Variants in PGM3 observed in about 807,000 individuals in gnomAD.
The protein encoded by PGM3 is phosphoglucomutase 3, also known as phosphoacetylglucosamine mutase.
A neutral mutation model predicts 66.2 loss-of-function variants in PGM3; 40 were observed. The ratio of observed to expected loss-of-function variants is 0.60; its 90% confidence interval spans 0.47 to 0.79. The LOEUF is 0.79. Ranked by LOEUF, PGM3 falls within the 30% of genes least tolerant of loss-of-function variation. The probability of loss-of-function intolerance (pLI) is 0.00; values close to 1 mark genes in which losing one functional copy is unlikely to be tolerated. For synonymous variants in PGM3, 191 were observed against 224.2 expected (o/e 0.85, Z 1.32); for missense variants, 537 against 643.4 (o/e 0.83, Z 1.79).
Position 83,169,126 on chromosome 6 carries a change from C to T in PGM3, c.*108G>A. 6.6e-7 allele frequency: 1 copy of T among 1,521,430 alleles called. No individual in the cohort carries two copies. Among genetic ancestry groups the T allele is most frequent in the Non-Finnish European group, 8.8e-7 (1 of 1,134,802 alleles). 94.2% of individuals were successfully genotyped at this position (1,521,430 alleles called of 1,614,324 possible). A position where few individuals can be genotyped will look rare whatever the true frequency, so the allele number is the denominator to read the frequency against. ...ACAGATCTAGAGACAATCCAGTAGGCTGCATTGTAAACATTATGATTATAA... is the reference window on the plus strand; with the variant it reads ...ACAGATCTAGAGACAATCCAGTAGGTTGCATTGTAAACATTATGATTATAA... On this transcript the variant is annotated 3_prime_UTR_variant, in exon 13 of 13. Transcript: ENST00000513973.
chr6:83,184,631 G>C lies in PGM3; in HGVS notation c.458-1653C>G, dbSNP rs557898458. 2.0e-5 allele frequency among the ~76,000 whole-genome samples: 3 copies of C among 152,262 alleles called. No individual in the cohort carries two copies. In the South Asian group the frequency reaches 6.2e-4, roughly 32 times the overall value. ...ATCCAACTCATCAACTCAGAAACCT[G>C]GAATGTGTTCTTCACAGTTCTGTTC... On this transcript the variant is annotated intron_variant, in intron 4 of 12. Transcript: ENST00000513973.
At chr6:83,161,320 TAAAGTAG>T (rs1478366519), downstream of PGM3, 1 of 152,138 alleles carries the variant, frequency 6.6e-6, no homozygotes, top group Admixed American at 6.5e-5. Flanking sequence ...TAAAAATCTA[TAAAGTAG>T]AAAGTGTAAA....
At chr6:83,176,933 C>A (rs1787815646) in intron 8 of PGM3, among the ~76,000 whole-genome samples, 1 of 152,120 alleles carries the variant, frequency 6.6e-6, no homozygotes. Context: ...CAAATGGGCC[C>A]CAGATGGAAT....
chr6:83,177,776 T>C (rs623879), intron 8 of PGM3, among the ~76,000 whole-genome samples: 33,690 of 152,046 alleles, frequency 0.22, 3,795 homozygotes, highest in Non-Finnish European at 0.25. Context: ...TCTTGACATC[T>C]GATCTGAGTT....
intron 3 of PGM3, chr6:83,188,400 T>C: frequency 2.2e-6 from 1 of 452,360 alleles, no homozygotes; most frequent in Non-Finnish European, 3.9e-6. Flanking sequence ...AGCTTGGGTT[T>C]TGGAGTAGGG....
chr6:83,150,116 T>C, the PGM3 span, among the ~76,000 whole-genome samples: 1 of 152,192 alleles, frequency 6.6e-6, no homozygotes, highest in Non-Finnish European at 1.5e-5. Context: ...GGCTCATGCC[T>C]GCAATCCCAG....
At chr6:83,151,365 C>T in the PGM3 span, among the ~76,000 whole-genome samples, 2 of 152,100 alleles carry the variant, frequency 1.3e-5, no homozygotes, top group Admixed American at 1.3e-4. Flanking sequence ...CATCTGGGTT[C>T]CTTCCACTTT....
Position 83,170,301 on chromosome 6 carries a change from T to C in PGM3, c.1539+4A>G, listed in dbSNP as rs1407162971. On this transcript the variant is annotated splice_donor_region_variant and intron_variant, in intron 12 of 12. Transcript: ENST00000513973. ...TCTTTTTCAATAGAACTATCCCAGCTTACTTGTGAGTCTGCTTCTGCATAT... is the reference window on the plus strand; with the variant it reads ...TCTTTTTCAATAGAACTATCCCAGCCTACTTGTGAGTCTGCTTCTGCATAT... 1 of 1,613,916 alleles carries C rather than the reference T, an allele frequency of 6.2e-7. No homozygotes were observed. Among genetic ancestry groups the C allele is most frequent in the South Asian group, 1.1e-5 (1 of 91,060 alleles).
In PGM3 at chr6:83,170,332, G is replaced by A. The variant is rs775873799; in HGVS notation, c.1512C>T (p.Val504=). 5.6e-6 allele frequency: 9 copies of A among 1,614,004 alleles called. No individual in the cohort carries two copies. Among genetic ancestry groups the A allele is most frequent in the African/African-American group, 1.3e-5 (1 of 74,914 alleles). The change falls in exon 12 of 13, where the codon GTC becomes GTT. Residue 504 remains valine, a synonymous_variant. Transcript: ENST00000513973. ...GTGAGTCTGCTTCTGCATATACTCG[G>A]ACGACATCTTCTGTACCAGAGGGCC... The part of the protein sequence containing the change: ...FVRPSGTEDV[V]RVYAEADSQE...
chr6:83,152,297 C>G, the PGM3 span: 1 of 1,561,368 alleles, frequency 6.4e-7, no homozygotes, highest in Non-Finnish European at 8.7e-7. Flanking sequence ...GATATGTTAT[C>G]ACCTGCAATG....
upstream of PGM3, chr6:83,193,330 A>C (rs1344819259): frequency 7.8e-6 from 1 of 128,630 alleles, no homozygotes; most frequent in Non-Finnish European, 1.8e-5. Context: ...GCAGAGGACT[A>C]TCCGCCAGCC....
rs1055671089 is a variant in PGM3 at position 83,166,361 on chromosome 6, T to G, written c.*2873A>C. 5.7e-6 allele frequency: 4 copies of G among 698,238 alleles called. No individual in the cohort carries two copies. In the African/African-American group the frequency reaches 7.0e-5, roughly 12 times the overall value. 43.3% of individuals were successfully genotyped at this position (698,238 alleles called of 1,614,324 possible). On this transcript the variant is annotated 3_prime_UTR_variant, in exon 13 of 13. Transcript: ENST00000513973. The stretch of plus-strand genomic sequence containing the variant: ...GCACTCCTCATCTTCAAGGCTCTAG[T>G]CTCCTTTGCAAAACTTCTTGAGCCA...
chr6:83,154,235 T>C, the PGM3 span: 3 of 1,613,438 alleles, frequency 1.9e-6, no homozygotes, highest in Non-Finnish European at 2.5e-6. Flanking sequence ...ATTTAGAGAT[T>C]TGATGAGTGA....
chr6:83,164,064 A>G (rs1784855340), downstream of PGM3, among the ~76,000 whole-genome samples: 1 of 149,028 alleles, frequency 6.7e-6, no homozygotes, highest in Non-Finnish European at 1.5e-5. Context: ...ATCAAATTGT[A>G]CAATTTGGGA....
intron 11 of PGM3, among the ~76,000 whole-genome samples, chr6:83,171,632 A>C (rs1787166278): frequency 6.6e-6 from 1 of 151,846 alleles, no homozygotes; most frequent in Admixed American, 6.6e-5. Flanking sequence ...CTGGGACTAC[A>C]GGTGTGTGCC....
Position 83,177,674 on chromosome 6 carries a change from T to A in PGM3, c.1029+999A>T, listed in dbSNP as rs187706807. ...AGGTTTAGGTGGGCCTGACTAGGCCTTGTCCTTAGGCATGTCTTCCAATAG... is the reference window on the plus strand; with the variant it reads ...AGGTTTAGGTGGGCCTGACTAGGCCATGTCCTTAGGCATGTCTTCCAATAG... On this transcript the variant is annotated intron_variant, in intron 8 of 12. Coordinates refer to ENST00000513973, the MANE Select transcript of PGM3 (RefSeq NM_015599.3). 1.8e-4 allele frequency among the ~76,000 whole-genome samples: 28 copies of A among 152,340 alleles called. No homozygotes were observed. The East Asian group carries it at 5.4e-3, about 29-fold the overall frequency.
chr6:83,175,428 C>G (rs1451688049), intron 9 of PGM3, among the ~76,000 whole-genome samples: 1 of 152,030 alleles, frequency 6.6e-6, no homozygotes, highest in Non-Finnish European at 1.5e-5. Flanking sequence ...TGATAGCCAC[C>G]TCAAGTGTAT....
intron 10 of PGM3, among the ~76,000 whole-genome samples, chr6:83,172,486 C>T (rs1787312191): frequency 1.3e-5 from 2 of 152,104 alleles, no homozygotes; most frequent in Non-Finnish European, 2.9e-5. Context: ...TGGTAAAACG[C>T]CATCTATACT....
chr6:83,167,062 C>G lies in PGM3; in HGVS notation c.*2172G>C, dbSNP rs45477797. ...TGTGTAATTCAGGTGGCTTCTCAAA[C>G]TAGCCTCTTAATACCCAAATTATTA... On this transcript the variant is annotated 3_prime_UTR_variant, in exon 13 of 13. Transcript: ENST00000513973. The G allele has an allele frequency of 1.9e-4, 188 of 985,168 alleles. No homozygotes were observed. The highest frequency in any genetic ancestry group is 2.2e-4 in the Non-Finnish European group (183 of 829,808). 61.0% of individuals were successfully genotyped at this position (985,168 alleles called of 1,614,324 possible). A position where few individuals can be genotyped will look rare whatever the true frequency, so the allele number is the denominator to read the frequency against.
Sources: allele counts gnomAD v4.1 joint callset (sites outside exome capture counted in the v4.1 genomes callset), GRCh38; gene constraint gnomAD v4.1.1; transcripts MANE v1.5; gene names NCBI Gene and HGNC (gene_info 2026-07-23, HGNC 2026-07-21).